RETREG1: variants seen among roughly 807,000 people sequenced by gnomAD.
RETREG1 encodes family with sequence similarity 134 member B.
In RETREG1, 44 loss-of-function variants were observed where a neutral mutation model predicts 54.8. The ratio of observed to expected loss-of-function variants is 0.80; its 90% CI spans 0.63 to 1.03. The LOEUF is 1.03. Among genes scored for constraint, RETREG1 ranks in the 50% least tolerant of loss-of-function variants. The pLI is 0.00. For synonymous variants in RETREG1, 217 were observed against 238.5 expected, an observed-to-expected ratio of 0.91 and a Z score of 0.83; for missense variants, 554 against 605.1, an observed-to-expected ratio of 0.92 and a Z score of 0.89.
chr5:16,569,156 C>G (rs1742104198), intron 2 of RETREG1, among the ~76,000 whole-genome samples: 1 of 152,162 alleles, frequency 6.6e-6, no homozygotes, highest in African/African-American at 2.4e-5. Flanking sequence ...CTGCTGCCAA[C>G]TATTCACAGG....
At chr5:16,603,779 A>G (rs1743110575) in intron 1 of RETREG1, among the ~76,000 whole-genome samples, 1 of 151,916 alleles carries the variant, frequency 6.6e-6, no homozygotes, top group South Asian at 2.1e-4. Context: ...AGCACGCTAC[A>G]CCACAAAGCA....
At chr5:16,605,099 C>CATA (rs1266796418) in intron 1 of RETREG1, among the ~76,000 whole-genome samples, 1 of 152,142 alleles carries the variant, frequency 6.6e-6, no homozygotes, top group Non-Finnish European at 1.5e-5. Flanking sequence ...AATGGCCAAA[C>CATA]ATAAATAAAA....
intron 3 of RETREG1, among the ~76,000 whole-genome samples, chr5:16,500,199 G>A (rs1245398755): frequency 6.6e-6 from 1 of 152,144 alleles, no homozygotes; most frequent in Non-Finnish European, 1.5e-5. Flanking sequence ...CCCAGGGACA[G>A]CTGGAACATT....
At chr5:16,546,763 C>G (rs1446947462) in intron 3 of RETREG1, among the ~76,000 whole-genome samples, 1 of 152,114 alleles carries the variant, frequency 6.6e-6, no homozygotes, top group Non-Finnish European at 1.5e-5. Flanking sequence ...TTTCAATGAG[C>G]AAAACAGAAA....
At chr5:16,502,675 C>A (rs1017472243) in intron 3 of RETREG1, among the ~76,000 whole-genome samples, 1 of 120,360 alleles carries the variant, frequency 8.3e-6, no homozygotes, top group African/African-American at 2.8e-5. Flanking sequence ...TTGATCTGTT[C>A]GCCATTATAT....
intron 4 of RETREG1, 137 bp downstream of exon 4, chr5:16,483,209 A>G: frequency 1.0e-6 from 1 of 988,826 alleles, no homozygotes; most frequent in Non-Finnish European, 1.6e-6. Context: ...CCTTGCTGAT[A>G]CCAGCTTTTA....
intron 3 of RETREG1, among the ~76,000 whole-genome samples, chr5:16,537,364 T>G (rs6870158): frequency 0.57 from 87,082 of 151,944 alleles, 25,440 homozygotes; most frequent in Non-Finnish European, 0.64. Flanking sequence ...GCCTGGAAAT[T>G]CCGCGGAGGC....
intron 1 of RETREG1, among the ~76,000 whole-genome samples, chr5:16,598,286 T>C (rs903141815): frequency 1.7e-4 from 26 of 152,306 alleles, no homozygotes; most frequent in Admixed American, 2.6e-4. Context: ...CCTTCCTACA[T>C]ACCGCTAGCA....
chr5:16,518,167 T>C (rs986158760), intron 3 of RETREG1, among the ~76,000 whole-genome samples: 1 of 148,112 alleles, frequency 6.8e-6, no homozygotes, highest in Non-Finnish European at 1.5e-5. Flanking sequence ...TTATATATAA[T>C]CAATATGTAA....
At position 16,576,795 on chromosome 5, in the gene RETREG1, T is replaced by C. The variant is rs569439837; in HGVS notation, c.321-4693A>G. 3.9e-5 allele frequency among the ~76,000 whole-genome samples: 6 copies of C among 152,190 alleles called. No individual in the cohort carries two copies. The South Asian group carries it at 8.3e-4, about 21-fold the overall frequency. ...CCGCGCCCGGCCAATGTTTGTATCTTTAGTAGAGATGGGGTTTCACCATGT... is the reference window on the plus strand; with the variant it reads ...CCGCGCCCGGCCAATGTTTGTATCTCTAGTAGAGATGGGGTTTCACCATGT... On this transcript the variant is annotated intron_variant, in intron 1 of 8. Coordinates refer to ENST00000306320, the MANE Select transcript of RETREG1 (RefSeq NM_001034850.3).
chr5:16,474,669 C>CTTTTTTTTTTT lies in RETREG1; in HGVS notation c.*61_*71dup. 2.4e-6 allele frequency: 3 copies of CTTTTTTTTTTT among 1,264,828 alleles called. No homozygotes were observed. Among genetic ancestry groups the CTTTTTTTTTTT allele is most frequent in the Non-Finnish European group, 3.2e-6 (3 of 938,062 alleles). The allele number at this position is 1,264,828 out of a possible 1,614,324, so 78.4% of individuals were successfully genotyped here. A position where few individuals can be genotyped will look rare whatever the true frequency, so the allele number is the denominator to read the frequency against. On this transcript the variant is annotated 3_prime_UTR_variant, in exon 9 of 9. Transcript: ENST00000306320. ...CTTACAGTTCAATTTTTTTCTTTTC[C>CTTTTTTTTTTT]TTTTTTTTTTTTTTTTCTTGTTTGA...
chr5:16,510,708 T>C (rs1408564127), intron 3 of RETREG1, among the ~76,000 whole-genome samples: 2 of 150,872 alleles, frequency 1.3e-5, no homozygotes, highest in Non-Finnish European at 2.9e-5. Context: ...AAGAATCACT[T>C]GAGCCTGGGA....
At chr5:16,573,712 TA>T (rs1742246423) in intron 1 of RETREG1, among the ~76,000 whole-genome samples, 1 of 135,516 alleles carries the variant, frequency 7.4e-6, no homozygotes, top group Non-Finnish European at 1.6e-5. Flanking sequence ...TTTTTTTTTT[TA>T]ATTGGTTTTT....
intron 5 of RETREG1, 152 bp from the exon 6 acceptor site, chr5:16,479,139 C>G: frequency 1.3e-6 from 1 of 746,424 alleles, no homozygotes; most frequent in South Asian, 1.8e-5. Flanking sequence ...AATTTCTATT[C>G]TTTTTCTGTA....
intron 1 of RETREG1, among the ~76,000 whole-genome samples, chr5:16,602,419 T>C (rs913979833): frequency 1.3e-5 from 2 of 152,034 alleles, no homozygotes; most frequent in African/African-American, 4.8e-5. Context: ...GGATGGAAAC[T>C]GAGAGGAACT....
At chr5:16,570,254 G>C (rs527477733) in intron 2 of RETREG1, among the ~76,000 whole-genome samples, 129 of 152,278 alleles carry the variant, frequency 8.5e-4, no homozygotes, top group African/African-American at 2.9e-3. Flanking sequence ...TTAAAGGACT[G>C]AATTCTTGCA....
At chr5:16,493,246 T>TAGTGA (rs1182310407) in intron 3 of RETREG1, among the ~76,000 whole-genome samples, 2 of 152,214 alleles carry the variant, frequency 1.3e-5, no homozygotes, top group Non-Finnish European at 2.9e-5. Context: ...GACACTCAAC[T>TAGTGA]ACCCATCATA....
chr5:16,599,525 C>T (rs1423145346), intron 1 of RETREG1, among the ~76,000 whole-genome samples: 1 of 152,112 alleles, frequency 6.6e-6, no homozygotes, highest in African/African-American at 2.4e-5. Flanking sequence ...ACTTGGATAC[C>T]TTGCCCAAAA....
intron 3 of RETREG1, among the ~76,000 whole-genome samples, chr5:16,533,515 C>T (rs162758): frequency 0.85 from 129,779 of 152,090 alleles, 55,393 homozygotes; most frequent in Middle Eastern, 0.88. Context: ...CTTAACCCTT[C>T]ATCAAGGGAT....
Sources: gnomAD v4.1 joint callset for allele counts (sites outside exome capture counted in the v4.1 genomes callset) on GRCh38, gnomAD v4.1.1 for gene constraint, MANE v1.5 for transcripts, NCBI Gene and HGNC (gene_info 2026-07-23, HGNC 2026-07-21) for gene names.